The following SAP130 variants were observed in gnomAD, a reference collection of about 807,000 sequenced individuals.
SAP130 encodes the protein histone deacetylase complex subunit SAP130.
A neutral mutation model predicts 103.2 loss-of-function variants in SAP130; 16 were observed. The observed-to-expected ratio is 0.16, with a 90% CI of 0.10 to 0.24. The LOEUF is 0.24. Ranked by LOEUF, SAP130 falls within the 10% of genes least tolerant of loss-of-function variation. The pLI is 1.00. For synonymous variants in SAP130, 477 were observed against 497.0 expected, an observed-to-expected ratio of 0.96 and a Z score of 0.53; for missense variants, 990 against 1,359.7, an observed-to-expected ratio of 0.73 and a Z score of 4.28.
rs188798089 is a variant in SAP130, at chr2:127,990,601, T to C, written c.1478-735A>G. On this transcript the variant is annotated intron_variant, in intron 12 of 20. Coordinates refer to ENST00000643581, the MANE Select transcript of SAP130 (RefSeq NM_001330301.2). ...TTTAGACCGGCACTGTTCAATGGCA[T>C]AGTGGGTCACTCACACAACTTTAAA... 5.7e-3 allele frequency among the ~76,000 whole-genome samples: 863 copies of C among 152,284 alleles called. 7 individuals carry two copies. Among genetic ancestry groups the C allele is most frequent in the Non-Finnish European group, 8.9e-3 (603 of 68,026 alleles).
intron 5 of SAP130, 129 bp from the exon 6 acceptor site, chr2:128,013,283 C>A: frequency 1.3e-6 from 1 of 745,374 alleles, no homozygotes; most frequent in South Asian, 2.7e-5. Context: ...CTTCCCATTT[C>A]ATCACAGAGA....
At chr2:127,945,168 C>T (rs1379526679) in intron 19 of SAP130, among the ~76,000 whole-genome samples, 2 of 152,092 alleles carry the variant, frequency 1.3e-5, no homozygotes, top group African/African-American at 4.8e-5. Flanking sequence ...GAGGCTCCCC[C>T]TATTTCAGAT....
intron 15 of SAP130, among the ~76,000 whole-genome samples, chr2:127,974,390 T>A (rs1681305826): frequency 6.6e-6 from 1 of 152,240 alleles, no homozygotes; most frequent in South Asian, 2.1e-4. Context: ...GGTCCTGTGA[T>A]ATTATTCCTA....
chr2:127,957,173 A>G (rs1053003576), intron 15 of SAP130, among the ~76,000 whole-genome samples: 3 of 152,092 alleles, frequency 2.0e-5, no homozygotes, highest in Non-Finnish European at 4.4e-5. Context: ...GCACTGGCAT[A>G]CACCTGTAGT....
At chr2:127,967,491 C>T (rs950458713) in intron 15 of SAP130, among the ~76,000 whole-genome samples, 8 of 152,184 alleles carry the variant, frequency 5.3e-5, no homozygotes, top group South Asian at 2.1e-4. Context: ...ACTCTGCCTC[C>T]GGTTTTCAAG....
At position 127,955,864 on chromosome 2, in the gene SAP130, T is replaced by C. The variant is rs1679803215; in HGVS notation, c.2064-520A>G. Among the ~76,000 whole-genome samples the C allele has an allele frequency of 6.6e-6, 1 of 152,184 alleles. No individual in the cohort carries two copies. The highest frequency in any genetic ancestry group is 1.9e-4 in the East Asian group (1 of 5,202). On this transcript the variant is annotated intron_variant, in intron 15 of 20. Coordinates refer to ENST00000643581, the MANE Select transcript of SAP130 (RefSeq NM_001330301.2). This position sits in a 1 kb window ranked among gnomAD's most constrained non-coding sequence, Gnocchi z 4.9. The stretch of plus-strand genomic sequence containing the variant: ...AATCAGGTTTTAAAGATATACTGTA[T>C]GTCCTGCTCCCAAGTTTTTATAAGC...
At chr2:127,976,908 C>T (rs573822930) in intron 15 of SAP130, among the ~76,000 whole-genome samples, 2 of 151,838 alleles carry the variant, frequency 1.3e-5, no homozygotes, top group East Asian at 2.0e-4. Flanking sequence ...TCAAAACAAA[C>T]GAACAAACAA....
chr2:128,012,104 T>G (rs1219846958), intron 6 of SAP130, among the ~76,000 whole-genome samples: 2 of 152,218 alleles, frequency 1.3e-5, no homozygotes, highest in Admixed American at 6.5e-5. Context: ...TGTGAGCCAC[T>G]GCGCCTGGCC....
chr2:127,944,346 T>C (rs1678916599), intron 19 of SAP130, among the ~76,000 whole-genome samples: 1 of 152,026 alleles, frequency 6.6e-6, no homozygotes, highest in Non-Finnish European at 1.5e-5. Context: ...CCTTATGTTC[T>C]ATTAAAAAAA....
intron 18 of SAP130, among the ~76,000 whole-genome samples, chr2:127,946,583 A>G (rs1443449321): frequency 6.6e-6 from 1 of 151,966 alleles, no homozygotes; most frequent in African/African-American, 2.4e-5. Flanking sequence ...GACTATAACT[A>G]TATTAGAATG....
chr2:127,980,860 A>G (rs990357843), intron 14 of SAP130, among the ~76,000 whole-genome samples: 3 of 151,402 alleles, frequency 2.0e-5, no homozygotes, highest in Non-Finnish European at 4.4e-5. Flanking sequence ...TCGCGCCACC[A>G]CAGTCCAACC....
chr2:127,995,552 G>A (rs1405652201), intron 11 of SAP130, among the ~76,000 whole-genome samples: 1 of 152,162 alleles, frequency 6.6e-6, no homozygotes, highest in Admixed American at 6.5e-5. Flanking sequence ...GTTTCTTTAC[G>A]TCAGAATGCC....
chr2:127,965,282 C>T (rs896967146), intron 15 of SAP130, among the ~76,000 whole-genome samples: 8 of 151,872 alleles, frequency 5.3e-5, no homozygotes, highest in South Asian at 2.1e-4. Flanking sequence ...GGCAACAGAG[C>T]GAGACTCCGT....
intron 15 of SAP130, 84 bp downstream of exon 15, chr2:127,977,901 A>G: frequency 9.7e-7 from 1 of 1,027,204 alleles, no homozygotes; most frequent in Non-Finnish European, 1.5e-6. Context: ...TAACAAGACT[A>G]TGTCATGCAG....
At chr2:127,977,884 T>C in intron 15 of SAP130, 101 bp downstream of exon 15, 1 of 913,724 alleles carries the variant, frequency 1.1e-6, no homozygotes, top group Non-Finnish European at 1.7e-6. Context: ...GCCTGGGCTA[T>C]ATAACCTAAC....
At chr2:127,967,970 A>G (rs1680777010) in intron 15 of SAP130, among the ~76,000 whole-genome samples, 1 of 152,250 alleles carries the variant, frequency 6.6e-6, no homozygotes, top group Non-Finnish European at 1.5e-5. Flanking sequence ...GAAAGGACCT[A>G]AAAAATCAAT....
chr2:128,023,034 C>T (rs1024420550), intron 2 of SAP130, among the ~76,000 whole-genome samples: 2 of 150,972 alleles, frequency 1.3e-5, no homozygotes, highest in African/African-American at 4.9e-5. Flanking sequence ...TGCTTTGTTG[C>T]CCAGGCTGAA....
intron 18 of SAP130, among the ~76,000 whole-genome samples, chr2:127,945,941 C>T (rs546640472): frequency 7.7e-4 from 117 of 152,294 alleles, no homozygotes; most frequent in Non-Finnish European, 1.5e-3. Context: ...GCATGAGCTG[C>T]CGTACCTGGC....
At chr2:127,950,663 T>C (rs1026670475) in intron 16 of SAP130, among the ~76,000 whole-genome samples, 3 of 152,192 alleles carry the variant, frequency 2.0e-5, no homozygotes, top group Non-Finnish European at 4.4e-5. Context: ...CTAAAGAATG[T>C]ACTTCCTAGC....
Sources: allele counts gnomAD v4.1 joint callset (sites outside exome capture counted in the v4.1 genomes callset), GRCh38; gene constraint gnomAD v4.1.1; non-coding constraint Gnocchi (gnomAD v3.1); transcripts MANE v1.5; gene names NCBI Gene and HGNC (gene_info 2026-07-23, HGNC 2026-07-21).